KIN: variants seen among roughly 807,000 people sequenced by gnomAD.
KIN encodes Kin17 DNA and RNA binding protein.
KIN carries 47 observed loss-of-function variants against 63.0 expected under a neutral mutation model. The observed-to-expected ratio is 0.75, with a 90% CI of 0.59 to 0.95. KIN has a LOEUF of 0.95. Ranked by LOEUF, KIN falls within the 40% of genes least tolerant of loss-of-function variation. The probability of loss-of-function intolerance (pLI) is 0.00; values close to 1 mark genes in which losing one functional copy is unlikely to be tolerated. For missense variants in KIN, 408 were observed against 460.9 expected (o/e 0.89, Z 1.05); for synonymous variants, 160 against 157.7 (o/e 1.01, Z -0.11).
chr10:7,759,765 T>A lies in KIN; in HGVS notation c.1119+125A>T, dbSNP rs958259210. On this transcript the variant is annotated intron_variant, in intron 12 of 12. Coordinates refer to ENST00000379562, the MANE Select transcript of KIN (RefSeq NM_012311.4). ...CACTGGAGAAAATAAGCTTACAGAT[T>A]TCCAAATAGGATAGAAGGCTAACAA... 3.7e-5 allele frequency: 20 copies of A among 535,020 alleles called. No homozygotes were observed. In the Admixed American group the frequency reaches 7.8e-4, roughly 21 times the overall value. The allele number at this position is 535,020 out of a possible 1,614,324, so 33.1% of individuals were successfully genotyped here.
At position 7,782,370 on chromosome 10, in the gene KIN, A is replaced by G. The variant is rs1010397463; in HGVS notation, c.209+711T>C. Among the ~76,000 whole-genome samples the G allele has an allele frequency of 2.0e-5, 3 of 151,832 alleles. No homozygotes were observed. The East Asian group carries it at 5.8e-4, about 29-fold the overall frequency. ...ATATAAACTCTATGAAGGATCAGCA[A>G]TACTTAGAAGAGGTTGCTATTTTTA... On this transcript the variant is annotated intron_variant, in intron 2 of 12. Coordinates refer to ENST00000379562, the MANE Select transcript of KIN (RefSeq NM_012311.4).
intron 8 of KIN, among the ~76,000 whole-genome samples, chr10:7,766,713 T>A (rs560212174): frequency 1.3e-5 from 2 of 152,206 alleles, no homozygotes; most frequent in East Asian, 3.9e-4. Context: ...AATGTAATAA[T>A]CCCTTGGTTG....
rs1835537158 is a variant in KIN, at chr10:7,766,057, T to C, written c.845A>G (p.Gln282Arg). Residue 282 changes from glutamine (Q) to arginine (R), a missense_variant, in exon 9 of 13, where the codon CAG becomes CGG. By Grantham distance (43) the Gln-to-Arg change is conservative. Coordinates refer to ENST00000379562, the MANE Select transcript of KIN (RefSeq NM_012311.4). Reference sequence around the variant, plus strand: ...AAACTCCAACTGAATACTTACAGGCTGTAGCCAGTAGTCTGTTCGGGCAGT... The same window carrying C: ...AAACTCCAACTGAATACTTACAGGCCGTAGCCAGTAGTCTGTTCGGGCAGT... ...KRTARTDYWL[Q>R]PEIIVKIITK... is the part of the protein sequence containing the mutation. 1 of 1,609,114 alleles carries C rather than the reference T, an allele frequency of 6.2e-7. No homozygotes were observed. Among genetic ancestry groups the C allele is most frequent in the Non-Finnish European group, 8.5e-7 (1 of 1,177,242 alleles).
At chr10:7,766,574 C>A (rs890403296) in intron 8 of KIN, among the ~76,000 whole-genome samples, 11 of 151,992 alleles carry the variant, frequency 7.2e-5, no homozygotes, top group Admixed American at 6.5e-4. Context: ...AAGAAAAATA[C>A]CACCAAGAGA....
chr10:7,769,469 C>T (rs1164955037), intron 7 of KIN, 124 bp from the exon 8 acceptor site: 1 of 919,718 alleles, frequency 1.1e-6, no homozygotes, highest in African/African-American at 1.7e-5. Flanking sequence ...TTAGTGAAAA[C>T]CATGGAGTCC....
At chr10:7,757,165 A>G (rs889675610) in intron 12 of KIN, among the ~76,000 whole-genome samples, 2 of 152,222 alleles carry the variant, frequency 1.3e-5, no homozygotes, top group Non-Finnish European at 2.9e-5. Flanking sequence ...TGAGAGCTCA[A>G]TAATTTTCAA....
At chr10:7,774,714 C>A in intron 7 of KIN, 117 bp downstream of exon 7, 8 of 820,756 alleles carry the variant, frequency 9.7e-6, no homozygotes, top group East Asian at 2.6e-5. Flanking sequence ...CAATAAAAAC[C>A]AAAAACAGGT....
At chr10:7,761,671 A>G (rs1835438511) in intron 11 of KIN, among the ~76,000 whole-genome samples, 1 of 152,186 alleles carries the variant, frequency 6.6e-6, no homozygotes, top group Admixed American at 6.5e-5. Context: ...AATATTGTAT[A>G]AAATTACCTT....
At chr10:7,786,859 C>T (rs973570490) in intron 1 of KIN, among the ~76,000 whole-genome samples, 5 of 152,316 alleles carry the variant, frequency 3.3e-5, no homozygotes, top group Admixed American at 2.6e-4. Context: ...CTTAATAGAA[C>T]TAAAGAGAGT....
chr10:7,782,816 C>G (rs907348223), intron 2 of KIN, among the ~76,000 whole-genome samples: 1 of 152,114 alleles, frequency 6.6e-6, no homozygotes, highest in Non-Finnish European at 1.5e-5. Flanking sequence ...AATGCAGAAC[C>G]TATGTTCTTT....
At chr10:7,758,432 T>C (rs1835374682) in intron 12 of KIN, among the ~76,000 whole-genome samples, 1 of 152,146 alleles carries the variant, frequency 6.6e-6, no homozygotes, top group South Asian at 2.1e-4. Context: ...AGGCTTTTCA[T>C]GTGGATTTGC....
intron 3 of KIN, 21 bp downstream of exon 3, chr10:7,780,243 C>A (rs777464770): frequency 6.2e-7 from 1 of 1,609,876 alleles, no homozygotes; most frequent in Admixed American, 1.7e-5. Context: ...CTGTTATTTG[C>A]ACAATATTTA....
intron 10 of KIN, 60 bp downstream of exon 10, chr10:7,763,663 A>C: frequency 3.4e-6 from 3 of 878,482 alleles, no homozygotes; most frequent in Middle Eastern, 2.2e-4. Flanking sequence ...ATACCAAAAT[A>C]GCTTCACTCA....
intron 5 of KIN, among the ~76,000 whole-genome samples, chr10:7,778,504 G>C (rs1394364989): frequency 1.3e-5 from 2 of 152,172 alleles, no homozygotes; most frequent in Non-Finnish European, 2.9e-5. Flanking sequence ...ACTTTGGGAG[G>C]CCGAGGCGGC....
chr10:7,774,470 A>G (rs1302446571), intron 7 of KIN, among the ~76,000 whole-genome samples: 3 of 152,156 alleles, frequency 2.0e-5, no homozygotes, highest in African/African-American at 7.2e-5. Flanking sequence ...GAAACATATA[A>G]TCAAAATGAG....
At position 7,787,955 on chromosome 10, in the gene KIN, T is replaced by G. The variant is rs777414024; in HGVS notation, c.-22A>C. On this transcript the variant is annotated 5_prime_UTR_variant, in exon 1 of 13. Coordinates refer to ENST00000379562, the MANE Select transcript of KIN (RefSeq NM_012311.4). The stretch of plus-strand genomic sequence containing the variant: ...CCATGGCGACCACGGCAGCGATCAC[T>G]TTCTGGACCCCAGTACTCAGCCAGC... 1 of 1,563,574 alleles carries G rather than the reference T, an allele frequency of 6.4e-7. No homozygotes were observed. The highest frequency in any genetic ancestry group is 8.8e-7 in the Non-Finnish European group (1 of 1,134,020).
rs955566789 is a variant in KIN, at chr10:7,752,193, C to T, written c.*3887G>A. The T allele has an allele frequency of 2.0e-5, 3 of 152,050 alleles. No individual in the cohort carries two copies. Among genetic ancestry groups the T allele is most frequent in the African/African-American group, 7.2e-5 (3 of 41,386 alleles). The allele number at this position is 152,050 out of a possible 1,614,324, so 9.4% of individuals were successfully genotyped here. A position where few individuals can be genotyped will look rare whatever the true frequency, so the allele number is the denominator to read the frequency against. On this transcript the variant is annotated 3_prime_UTR_variant, in exon 13 of 13. Transcript: ENST00000379562. ...AAGACACATTCGATAAAGAACACAA[C>T]TGAAATATACAAACAACTCTTAAAA... is the stretch of plus-strand genomic sequence containing the variant.
At position 7,762,988 on chromosome 10, in the gene KIN, G is replaced by A. The variant is rs1044084628; in HGVS notation, c.919-432C>T. Among the ~76,000 whole-genome samples the A allele has an allele frequency of 2.0e-5, 3 of 152,218 alleles. No individual in the cohort carries two copies. In the East Asian group the frequency reaches 5.8e-4, roughly 29 times the overall value. On this transcript the variant is annotated intron_variant, in intron 10 of 12. Coordinates refer to ENST00000379562, the MANE Select transcript of KIN (RefSeq NM_012311.4). ...ATCTCAGAGTAGGCCGGGTGCAGTG[G>A]CTCACATCTGTAATCCCAGTACTTT...
chr10:7,778,837 C>A lies in KIN; in HGVS notation c.558+1G>T. On this transcript the variant is annotated splice_donor_variant, in intron 5 of 12. Coordinates refer to ENST00000379562, the MANE Select transcript of KIN (RefSeq NM_012311.4). LOFTEE classifies it high-confidence loss of function. ...TTCTCAGGATGATGTTGCTTACCCA[C>A]CTGTTCCTTCCCTTCCAGGCCTCTT... 1.2e-6 allele frequency: 2 copies of A among 1,613,556 alleles called. No homozygotes were observed. The highest frequency in any genetic ancestry group is 1.7e-6 in the Non-Finnish European group (2 of 1,179,908).
Sources: gnomAD v4.1 joint callset for allele counts (sites outside exome capture counted in the v4.1 genomes callset) on GRCh38, gnomAD v4.1.1 for gene constraint, MANE v1.5 for transcripts, NCBI Gene and HGNC (gene_info 2026-07-23, HGNC 2026-07-21) for gene names.